Variants in CUL4B observed in about 807,000 individuals in gnomAD.
CUL4B encodes cullin 4B, also known as cullin-4B.
In CUL4B, 1 loss-of-function variant was observed where a neutral mutation model predicts 69.2. The ratio of observed to expected loss-of-function variants is 0.01; its 90% CI spans 0.01 to 0.07. The LOEUF is 0.07. CUL4B is among the 10% of genes least tolerant of loss of function. The pLI, the probability that CUL4B is intolerant of heterozygous loss-of-function variation, is 1.00. For synonymous variants in CUL4B, 237 were observed against 223.2 expected (o/e 1.06, Z -0.55); for missense variants, 328 against 638.8 (o/e 0.51, Z 5.24).
intron 16 of CUL4B, among the ~76,000 whole-genome samples, chrX:120,535,105 G>A (rs931824523): frequency 1.8e-5 from 2 of 111,121 alleles, no homozygotes; most frequent in African/African-American, 6.6e-5. Flanking sequence ...GGAGGCAGGG[G>A]GATAGCTTGA....
At chrX:120,540,691 T>C (rs1923935272) in intron 10 of CUL4B, 129 bp from the exon 11 acceptor site, 2 of 526,051 alleles carry the variant, frequency 3.8e-6, no homozygotes, top group Non-Finnish European at 6.1e-6. Flanking sequence ...ATTTTTAAGA[T>C]GGAATCTTGC....
chrX:120,535,087 T>C (rs1044753181), intron 16 of CUL4B, among the ~76,000 whole-genome samples: 2 of 111,463 alleles, frequency 1.8e-5, no homozygotes, highest in African/African-American at 3.3e-5. Flanking sequence ...CCCAGCACTT[T>C]AGGAAGCGGA....
At chrX:120,538,054 T>C (rs1923773786) in intron 14 of CUL4B, 70 bp downstream of exon 14, 1 of 757,292 alleles carries the variant, frequency 1.3e-6, no homozygotes, top group Non-Finnish European at 2.0e-6. Flanking sequence ...TCCTCTTTAG[T>C]ACAAATCATA....
chrX:120,570,101 T>G (rs139252360), downstream of CUL4B, among the ~76,000 whole-genome samples: 1 of 111,839 alleles, frequency 8.9e-6, no homozygotes, highest in African/African-American at 3.3e-5. Context: ...CAAATCTTAC[T>G]CAAATACCCT....
chrX:120,566,354 T>C (rs1371079092), upstream of CUL4B, among the ~76,000 whole-genome samples: 2 of 35,562 alleles, frequency 5.6e-5, no homozygotes, highest in South Asian at 1.5e-3. Flanking sequence ...GGTATATATA[T>C]ATATATATAT....
chrX:120,568,910 A>T (rs1319292645), downstream of CUL4B, among the ~76,000 whole-genome samples: 2 of 112,264 alleles, frequency 1.8e-5, no homozygotes, highest in African/African-American at 6.5e-5. Flanking sequence ...AGTCTCAAGT[A>T]GTAGACATGT....
chrX:120,565,693 A>AC, upstream of CUL4B, among the ~76,000 whole-genome samples: 1 of 99,290 alleles, frequency 1.0e-5, no homozygotes, highest in Non-Finnish European at 2.0e-5. Context: ...AAAAAAAAAA[A>AC]AACTGCTAGG....
In CUL4B at chrX:120,524,868, G is replaced by A. The variant is rs1323413064; in HGVS notation, c.*1893C>T. 1.8e-5 allele frequency: 2 copies of A among 111,420 alleles called. No homozygotes were observed. 9.2% of individuals were successfully genotyped at this position (111,420 alleles called of 1,213,427 possible). ...GGAGGGGACCCGCTTTCAAGATACT[G>A]AAGGTGACATCAAGAGTCTCCTCCT... On this transcript the variant is annotated 3_prime_UTR_variant, in exon 20 of 20. Transcript: ENST00000371322.
intron 2 of CUL4B, among the ~76,000 whole-genome samples, chrX:120,552,418 G>C (rs1344633016): frequency 8.9e-6 from 1 of 112,744 alleles, no homozygotes; most frequent in Non-Finnish European, 1.9e-5. Context: ...AAAGTGTTGG[G>C]ATTTCAGGCG....
At chrX:120,566,956 C>CTA (rs1925567978), downstream of CUL4B, among the ~76,000 whole-genome samples, 1 of 109,947 alleles carries the variant, frequency 9.1e-6, no homozygotes, top group Non-Finnish European at 1.9e-5. Flanking sequence ...GTTGCTGGGC[C>CTA]TATATATATA....
chrX:120,561,052 G>A (rs1925271093), upstream of CUL4B: 9 of 979,440 alleles, frequency 9.2e-6, 1 homozygote, highest in East Asian at 4.2e-4. Flanking sequence ...AAGAACCAGG[G>A]CTTGTTATTG....
chrX:120,538,406 T>C (rs1031320073), intron 13 of CUL4B, 197 bp from the exon 14 acceptor site: 33 of 415,178 alleles, frequency 7.9e-5, no homozygotes, highest in Middle Eastern at 6.4e-4. Context: ...AGTAACCTTA[T>C]CTACTATTTA....
At position 120,546,609 on chromosome X, in the gene CUL4B, A is replaced by T. The variant is rs1379343211; in HGVS notation, c.784T>A (p.Leu262Met). 1 of 1,184,490 alleles carries T rather than the reference A, an allele frequency of 8.4e-7. No homozygotes were observed. Among genetic ancestry groups the T allele is most frequent in the East Asian group, 3.0e-5 (1 of 33,671 alleles). Residue 262 changes from leucine to methionine, a missense_variant, in exon 4 of 20, where the codon TTG (leucine) becomes ATG (methionine). By Grantham distance (15) the Leu-to-Met change is conservative (BLOSUM62 2). Transcript: ENST00000371322. ...AQIHQFREDSLDSVLFLKKID... is the reference protein window; with the variant it reads ...AQIHQFREDSMDSVLFLKKID... ...TTCTTTAAAAAAAGAACGCTATCCA[A>T]TGAATCCCTGAAACATATGTTAAGG...
At chrX:120,575,132 C>T (rs1177690235) in intron 1 of CUL4B, among the ~76,000 whole-genome samples, 2 of 112,331 alleles carry the variant, frequency 1.8e-5, no homozygotes, top group Admixed American at 1.9e-4. Context: ...TGGGTAGGAT[C>T]TTCACCACAA....
At position 120,536,388 on chromosome X, in the gene CUL4B, T is replaced by A. The variant is rs996859661; in HGVS notation, c.2047-445A>T. 3.5e-5 allele frequency among the ~76,000 whole-genome samples: 4 copies of A among 112,742 alleles called. 1 individual carries two copies. The Admixed American group carries it at 3.8e-4, about 11-fold the overall frequency. ...TCATCTCCATGGAGGATTCTCAATA[T>A]CTATCTGTCTAGCCTTAATCCCTTT... On this transcript the variant is annotated intron_variant, in intron 15 of 19. Coordinates refer to ENST00000371322, the MANE Select transcript of CUL4B (RefSeq NM_001079872.2).
intron 2 of CUL4B, 46 bp downstream of exon 2, chrX:120,557,878 C>T (rs368996955): frequency 1.1e-6 from 1 of 886,494 alleles, no homozygotes; most frequent in African/African-American, 2.0e-5. Context: ...ATACATCCCA[C>T]CTCAATTTAT....
intron 11 of CUL4B, 46 bp from the exon 12 acceptor site, chrX:120,539,418 G>A (rs1399725184): frequency 1.4e-5 from 11 of 763,045 alleles, no homozygotes; most frequent in Middle Eastern, 2.9e-4. Context: ...GGGAATACAC[G>A]AGGTACTGGG....
chrX:120,549,713 G>A (rs995479044), intron 2 of CUL4B, among the ~76,000 whole-genome samples: 4 of 111,504 alleles, frequency 3.6e-5, no homozygotes, highest in Admixed American at 9.5e-5. Flanking sequence ...CACTTTTCAC[G>A]TGACCTGGGG....
chrX:120,534,797 T>A (rs1923554336), intron 16 of CUL4B, among the ~76,000 whole-genome samples: 1 of 111,256 alleles, frequency 9.0e-6, no homozygotes, highest in Non-Finnish European at 1.9e-5. Context: ...AGCTGACCTT[T>A]TAACAGTTTT....
Sources: gnomAD v4.1 joint callset for allele counts (sites outside exome capture counted in the v4.1 genomes callset) on GRCh38, gnomAD v4.1.1 for gene constraint, MANE v1.5 for transcripts, NCBI Gene and HGNC (gene_info 2026-07-23, HGNC 2026-07-21) for gene names.